ITGA7: variants seen among roughly 807,000 people sequenced by gnomAD.
ITGA7 encodes integrin subunit alpha 7.
In ITGA7, 84 loss-of-function variants were observed where a neutral mutation model predicts 131.6. The ratio of observed to expected loss-of-function variants is 0.64; its 90% CI spans 0.54 to 0.77. The LOEUF is 0.77. Ranked by LOEUF, ITGA7 falls within the 30% of genes least tolerant of loss-of-function variation. The pLI is 0.00. For missense variants in ITGA7, 1,399 were observed against 1,482.9 expected, an observed-to-expected ratio of 0.94 and a Z score of 0.93; for synonymous variants, 548 against 600.7, an observed-to-expected ratio of 0.91 and a Z score of 1.28.
intron 21 of ITGA7, among the ~76,000 whole-genome samples, chr12:55,689,750 T>C (rs1871020971): frequency 6.6e-6 from 1 of 152,210 alleles, no homozygotes; most frequent in African/African-American, 2.4e-5. Context: ...AAGAATCTAC[T>C]TTAGTACTAG....
rs1051135124 is a variant in ITGA7, at chr12:55,695,568, G to A, written c.1957C>T (p.Arg653Cys). Reference protein sequence around the residue: ...CQSNLQLVRARFCTRVSDTEF... With the variant: ...CQSNLQLVRACFCTRVSDTEF... Reference sequence around the variant, plus strand: ...GTGTCGCTGACCCGGGTACAGAAGCGGGCGCGGACCAGCTGCAGATTGCTC... The same window carrying A: ...GTGTCGCTGACCCGGGTACAGAAGCAGGCGCGGACCAGCTGCAGATTGCTC... The change falls in exon 14 of 25, where the codon CGC becomes TGC. Residue 653 changes from arginine to cysteine, a missense_variant. Physicochemically the swap from Arg to Cys is radical, Grantham distance 180 (BLOSUM62 -3). Coordinates refer to ENST00000257879, the MANE Select transcript of ITGA7 (RefSeq NM_002206.3). The A allele has an allele frequency of 5.0e-6, 8 of 1,613,548 alleles. No homozygotes were observed. Among genetic ancestry groups the A allele is most frequent in the South Asian group, 3.3e-5 (3 of 91,068 alleles).
In ITGA7 at chr12:55,700,879, C is replaced by T. The variant is rs763641233; in HGVS notation, c.670+20G>A. On this transcript the variant is annotated intron_variant, in intron 4 of 24. Coordinates refer to ENST00000257879, the MANE Select transcript of ITGA7 (RefSeq NM_002206.3). ...GAGGAGGTTTTGGTCCCCTTCTCCC[C>T]TTCCCGAGGAGTGACTCACCCTTCC... The T allele has an allele frequency of 6.2e-7, 1 of 1,614,204 alleles. No individual in the cohort carries two copies. Among genetic ancestry groups the T allele is most frequent in the East Asian group, 2.2e-5 (1 of 44,888 alleles).
chr12:55,707,820 G>GCCCAAAC lies in ITGA7; in HGVS notation c.-139_-138insGTTTGGG. 6.9e-7 allele frequency: 1 copy of GCCCAAAC among 1,455,778 alleles called. No individual in the cohort carries two copies. The highest frequency in any genetic ancestry group is 9.1e-7 in the Non-Finnish European group (1 of 1,102,490). 90.2% of individuals were successfully genotyped at this position (1,455,778 alleles called of 1,614,324 possible). A position where few individuals can be genotyped will look rare whatever the true frequency, so the allele number is the denominator to read the frequency against. On this transcript the variant is annotated 5_prime_UTR_variant, in exon 1 of 25. Transcript: ENST00000257879. Reference sequence around the variant, plus strand: ...CGTCTCCCAGACGTTCGCCCCGCCAGCCCTCCCGCCCGCCCGCCGCTCCGC... The same window carrying GCCCAAAC: ...CGTCTCCCAGACGTTCGCCCCGCCAGCCCAAACCCCTCCCGCCCGCCCGCCGCTCCGC...
chr12:55,698,741 A>T lies in ITGA7; in HGVS notation c.967T>A (p.Ser323Thr). The change falls in exon 6 of 25, where the codon TCA (serine) becomes ACA (threonine). Residue 323 changes from serine to threonine, a missense_variant. Transcript: ENST00000257879. ...GERLTSGFGY[S>T]LAVADLNSDG... The stretch of plus-strand genomic sequence containing the variant: ...CTGTTGAGGTCAGCCACAGCCAGTG[A>T]GTAGCCAAAGCCGGAGGTCAGGCGC... 1 of 1,614,078 alleles carries T rather than the reference A, an allele frequency of 6.2e-7. No individual in the cohort carries two copies. The highest frequency in any genetic ancestry group is 1.6e-4 in the Middle Eastern group (1 of 6,062).
In ITGA7 at chr12:55,693,280, G is replaced by A; in HGVS notation, c.2573C>T (p.Ser858Phe). 5 of 1,614,092 alleles carry A rather than the reference G, an allele frequency of 3.1e-6. No individual in the cohort carries two copies. The highest frequency in any genetic ancestry group is 4.2e-6 in the Non-Finnish European group (5 of 1,180,020). Residue 858 changes from serine (S) to phenylalanine (F), a missense_variant, in exon 20 of 25, where the codon TCT (serine) becomes TTT (phenylalanine). Physicochemically the swap from Ser to Phe is radical, Grantham distance 155. Transcript: ENST00000257879. ...AGGCCACATGATGTTGAGGAAGGCA[G>A]AGCCCAGGGTTCTGAGCGACTGGCC... ...NQGQSLRTLGSAFLNIMWPHE... is the reference protein window; with the variant it reads ...NQGQSLRTLGFAFLNIMWPHE...
chr12:55,701,348 A>T (rs1182700547), intron 3 of ITGA7, 194 bp from the exon 4 acceptor site: 1 of 1,555,416 alleles, frequency 6.4e-7, no homozygotes, highest in Non-Finnish European at 8.7e-7. Flanking sequence ...ACACAGGTCC[A>T]TGCATAACCC....
At chr12:55,716,333 T>C, upstream of ITGA7, 2 of 1,481,768 alleles carry the variant, frequency 1.3e-6, no homozygotes, top group South Asian at 1.3e-5. Flanking sequence ...AGAGGGAATT[T>C]CAGAGAGGCT....
chr12:55,695,041 C>T (rs2087066993), intron 14 of ITGA7, 71 bp from the exon 15 acceptor site: 3 of 1,451,272 alleles, frequency 2.1e-6, no homozygotes, highest in Non-Finnish European at 2.8e-6. Flanking sequence ...CCAGTCTGCT[C>T]CCCCAGTACC....
At chr12:55,695,722 T>C (rs1872506499) in intron 13 of ITGA7, 85 bp from the exon 14 acceptor site, 4 of 900,808 alleles carry the variant, frequency 4.4e-6, no homozygotes, top group East Asian at 2.4e-5. Context: ...TGGGTTAGAG[T>C]ATCACAGGAT....
Position 55,696,420 on chromosome 12 carries a change from C to A in ITGA7, c.1750G>T (p.Asp584Tyr). ...GTCACTACAATGGCCCGAAGCTTGT[C>A]TTTGACATTTTCCTAGGAAGAGGAA... is the stretch of plus-strand genomic sequence containing the variant. ...AMFQLQENVK[D>Y]KLRAIVVTLS... The change falls in exon 13 of 25, where the codon GAC (aspartate) becomes TAC (tyrosine). Residue 584 changes from aspartate to tyrosine, a missense_variant. Coordinates refer to ENST00000257879, the MANE Select transcript of ITGA7 (RefSeq NM_002206.3). 1 of 1,600,492 alleles carries A rather than the reference C, an allele frequency of 6.2e-7. No individual in the cohort carries two copies. The highest frequency in any genetic ancestry group is 1.7e-5 in the Admixed American group (1 of 58,582).
intron 10 of ITGA7, 77 bp from the exon 11 acceptor site, chr12:55,697,354 TC>T (rs1872859643): frequency 6.4e-7 from 1 of 1,574,578 alleles, no homozygotes; most frequent in African/African-American, 1.3e-5. Flanking sequence ...ATCTGTCACA[TC>T]CTGTCACAGC....
chr12:55,700,146 A>G, intron 4 of ITGA7, 157 bp from the exon 5 acceptor site: 1 of 1,411,908 alleles, frequency 7.1e-7, no homozygotes, highest in Non-Finnish European at 9.7e-7. Context: ...ACAGAAAGAC[A>G]GAGAGAGACA....
rs1334672519 is a variant in ITGA7, at chr12:55,697,929, T to C, written c.1281+9A>G. 6.2e-7 allele frequency: 1 copy of C among 1,613,928 alleles called. No homozygotes were observed. The highest frequency in any genetic ancestry group is 1.7e-5 in the Admixed American group (1 of 59,980). ...ACACCCATTCCCTCATCCCAGCGAC[T>C]CCCCTCACCTGTGAAGGTTTGGCGA... On this transcript the variant is annotated intron_variant, in intron 8 of 24. Coordinates refer to ENST00000257879, the MANE Select transcript of ITGA7 (RefSeq NM_002206.3).
In ITGA7 at chr12:55,694,197, G is replaced by A; in HGVS notation, c.2432+59C>T. 1 of 1,612,210 alleles carries A rather than the reference G, an allele frequency of 6.2e-7. No individual in the cohort carries two copies. Among genetic ancestry groups the A allele is most frequent in the Non-Finnish European group, 8.5e-7 (1 of 1,178,268 alleles). On this transcript the variant is annotated intron_variant, in intron 18 of 24. Transcript: ENST00000257879. This position sits in a 1 kb window ranked among gnomAD's most constrained non-coding sequence, Gnocchi z 5.3. ...CAATGAAGGCAGGGCCCTGGCCAAGGTTTGGAAATGTCAATGCCCCCTCCC... is the reference window on the plus strand; with the variant it reads ...CAATGAAGGCAGGGCCCTGGCCAAGATTTGGAAATGTCAATGCCCCCTCCC...
chr12:55,697,422 GGTCC>G, intron 10 of ITGA7, 25 bp downstream of exon 10: 1 of 1,605,326 alleles, frequency 6.2e-7, no homozygotes, highest in African/African-American at 1.3e-5. Context: ...AAGCTGCCAG[GGTCC>G]AGGTGCCACC....
rs1158857847 is a variant in ITGA7 at position 55,694,099 on chromosome 12, G to C, written c.2457C>G (p.Phe819Leu). The change falls in exon 19 of 25, where the codon TTC (phenylalanine) becomes TTG (leucine). Residue 819 changes from phenylalanine to leucine, a missense_variant. Coordinates refer to ENST00000257879, the MANE Select transcript of ITGA7 (RefSeq NM_002206.3). This position sits in a 1 kb window ranked among gnomAD's most constrained non-coding sequence, Gnocchi z 5.3. ...TCTCGCCCCTCACCACACCAGAGAA[G>C]AAGAGTTGCTGGGGAATGGCCATTC... ...IAGMAIPQQL[F>L]FSGVVRGERA... 1.2e-6 allele frequency: 2 copies of C among 1,614,118 alleles called. No individual in the cohort carries two copies. The highest frequency in any genetic ancestry group is 2.7e-5 in the African/African-American group (2 of 74,946).
Position 55,701,378 on chromosome 12 carries a change from C to A in ITGA7, c.415-224G>T, listed in dbSNP as rs181280953. The A allele has an allele frequency of 3.2e-6, 5 of 1,552,100 alleles. No individual in the cohort carries two copies. The Admixed American group carries it at 9.8e-5, about 30-fold the overall frequency. ...TAACCCAGCAACCTGTCTGCACCCA[C>A]TTCCTTGCCCTCAAATGGAGATCTC... is the stretch of plus-strand genomic sequence containing the variant. On this transcript the variant is annotated intron_variant, in intron 3 of 24. Coordinates refer to ENST00000257879, the MANE Select transcript of ITGA7 (RefSeq NM_002206.3).
At chr12:55,702,833 ACC>A in intron 3 of ITGA7, 37 bp downstream of exon 3, 1 of 1,536,664 alleles carries the variant, frequency 6.5e-7, no homozygotes, top group Non-Finnish European at 9.0e-7. Context: ...ACACACACAC[ACC>A]CCATCCGTGC....
At position 55,692,822 on chromosome 12, in the gene ITGA7, AC is replaced by A. The variant is rs569425261; in HGVS notation, c.2844+21del. 1,701 of 1,594,302 alleles carry A rather than the reference AC, an allele frequency of 1.1e-3. 5 individuals are homozygous for A. The highest frequency in any genetic ancestry group is 0.01 in the Middle Eastern group (63 of 6,016). On this transcript the variant is annotated intron_variant, in intron 21 of 24. Transcript: ENST00000257879. ...CGCAGCACCCCGGAGCTCTGGCTGC[AC>A]CGAGTCTGGCCTGCCCTCACCAGGG... is the stretch of plus-strand genomic sequence containing the variant.
Sources: allele counts gnomAD v4.1 joint callset (sites outside exome capture counted in the v4.1 genomes callset), GRCh38; gene constraint gnomAD v4.1.1; non-coding constraint Gnocchi (gnomAD v3.1); transcripts MANE v1.5; gene names NCBI Gene and HGNC (gene_info 2026-07-23, HGNC 2026-07-21).